The following RBBP9 variants were observed in gnomAD, a reference collection of about 807,000 sequenced individuals.
The protein encoded by RBBP9 is serine hydrolase RBBP9.
RBBP9 carries 20 observed loss-of-function variants against 24.2 expected under a neutral mutation model. The observed-to-expected ratio is 0.83, with a 90% CI of 0.58 to 1.20. RBBP9 has a LOEUF of 1.20. Among genes scored for constraint, RBBP9 ranks in the 50% most tolerant of loss-of-function variants. The pLI is 0.00. For synonymous variants in RBBP9, 74 were observed against 84.6 expected (o/e 0.87, Z 0.69); for missense variants, 234 against 233.6 (o/e 1.00, Z -0.01).
chr20:18,497,008 T>A, intron 1 of RBBP9, 61 bp downstream of exon 1: 1 of 1,420,204 alleles, frequency 7.0e-7, no homozygotes. Flanking sequence ...CAGCCCTCAG[T>A]CCTCTCCCGC....
chr20:18,490,129 C>A (rs948133184), intron 4 of RBBP9, 139 bp from the exon 5 acceptor site: 84 of 680,434 alleles, frequency 1.2e-4, no homozygotes, highest in Non-Finnish European at 1.7e-4. Flanking sequence ...CTTTTGTTTT[C>A]AAATCTGTAG....
intron 3 of RBBP9, among the ~76,000 whole-genome samples, chr20:18,492,986 T>C (rs1417914502): frequency 1.3e-5 from 2 of 152,222 alleles, no homozygotes; most frequent in Non-Finnish European, 2.9e-5. Flanking sequence ...AATACTCTTG[T>C]AACTTTAATC....
chr20:18,496,376 A>G (rs1016216325), intron 1 of RBBP9, among the ~76,000 whole-genome samples: 6 of 152,222 alleles, frequency 3.9e-5, no homozygotes, highest in Non-Finnish European at 8.8e-5. Flanking sequence ...GAGCCGACTT[A>G]CCGCCTGGTT....
chr20:18,497,164 C>T lies in RBBP9; in HGVS notation c.4G>A (p.Ala2Thr). 2.5e-6 allele frequency: 4 copies of T among 1,613,478 alleles called. No homozygotes were observed. The highest frequency in any genetic ancestry group is 3.4e-6 in the Non-Finnish European group (4 of 1,179,476). The change falls in exon 1 of 5, where the codon GCT becomes ACT. Residue 2 changes from alanine (A) to threonine (T), a missense_variant. By Grantham distance (58) the Ala-to-Thr change is moderately conservative. Transcript: ENST00000337227. M[A>T]SPSKAVIVPG... ...ACAATCACTGCCTTGCTAGGAGAAGCCATGAGTGCAGCGAGGCCAGAGTTC... is the reference window on the plus strand; with the variant it reads ...ACAATCACTGCCTTGCTAGGAGAAGTCATGAGTGCAGCGAGGCCAGAGTTC...
At chr20:18,496,753 A>T (rs2059888092) in intron 1 of RBBP9, among the ~76,000 whole-genome samples, 1 of 151,538 alleles carries the variant, frequency 6.6e-6, no homozygotes, top group South Asian at 2.1e-4. Context: ...GTGAACATGT[A>T]AAATTATCTG....
In RBBP9 at chr20:18,486,843, CAG is replaced by C. The variant is rs1187457203; in HGVS notation, c.*2919_*2920del. ...TCAATGATGACCACAAAGAATCAAA[CAG>C]AAATCAGAAATGACAGTCCATGGCT... On this transcript the variant is annotated 3_prime_UTR_variant, in exon 5 of 5. Transcript: ENST00000337227. 1.3e-5 allele frequency: 2 copies of C among 152,182 alleles called. No individual in the cohort carries two copies. The highest frequency in any genetic ancestry group is 2.4e-5 in the African/African-American group (1 of 41,528). 9.4% of individuals were successfully genotyped at this position (152,182 alleles called of 1,614,324 possible). A position where few individuals can be genotyped will look rare whatever the true frequency, so the allele number is the denominator to read the frequency against.
chr20:18,496,709 ATATT>A (rs2059887951), intron 1 of RBBP9, among the ~76,000 whole-genome samples: 1 of 152,166 alleles, frequency 6.6e-6, no homozygotes, highest in Admixed American at 6.5e-5. Context: ...TAAGTATAGC[ATATT>A]TAATTTTTTA....
chr20:18,491,344 C>T (rs2059864749), intron 3 of RBBP9, among the ~76,000 whole-genome samples: 1 of 152,212 alleles, frequency 6.6e-6, no homozygotes, highest in African/African-American at 2.4e-5. Flanking sequence ...TCCTTAAAGG[C>T]AGGCATGAGT....
intron 3 of RBBP9, among the ~76,000 whole-genome samples, chr20:18,492,203 A>C (rs111859945): frequency 6.6e-6 from 1 of 151,772 alleles, no homozygotes; most frequent in South Asian, 2.1e-4. Flanking sequence ...TCCCTTAACC[A>C]TGGTACCACT....
Position 18,492,494 on chromosome 20 carries a change from G to C in RBBP9, c.248+1464C>G, listed in dbSNP as rs117056342. Reference sequence around the variant, plus strand: ...GACTGAGGTAAACATTTCTGGCAAGGATACTGCATAGGTGATGCTGTGTCC... The same window carrying C: ...GACTGAGGTAAACATTTCTGGCAAGCATACTGCATAGGTGATGCTGTGTCC... On this transcript the variant is annotated intron_variant, in intron 3 of 4. Coordinates refer to ENST00000337227, the MANE Select transcript of RBBP9 (RefSeq NM_006606.3). 7.5e-3 allele frequency among the ~76,000 whole-genome samples: 1,146 copies of C among 152,290 alleles called. 7 individuals carry two copies. The highest frequency in any genetic ancestry group is 0.014 in the Middle Eastern group (4 of 294).
At position 18,495,824 on chromosome 20, in the gene RBBP9, A is replaced by C. The variant is rs1219504721; in HGVS notation, c.142+14T>G. Reference sequence around the variant, plus strand: ...AACAAGATGAGGCTATTTAAAAACAAGTTTAAAACTTACTTGGGTCGGGCA... The same window carrying C: ...AACAAGATGAGGCTATTTAAAAACACGTTTAAAACTTACTTGGGTCGGGCA... On this transcript the variant is annotated intron_variant, in intron 2 of 4. Transcript: ENST00000337227. The C allele has an allele frequency of 6.5e-7, 1 of 1,548,722 alleles. No homozygotes were observed.
Position 18,497,219 on chromosome 20 carries a change from A to T in RBBP9, c.-52T>A. On this transcript the variant is annotated 5_prime_UTR_variant, in exon 1 of 5. Transcript: ENST00000337227. ...GCGCGGGTCCAGCGGAGCTGAGCCC[A>T]GCCTGCTCCCGCAGGGAGCCTGCGC... is the stretch of plus-strand genomic sequence containing the variant. 1 of 1,461,178 alleles carries T rather than the reference A, an allele frequency of 6.8e-7. No homozygotes were observed. The highest frequency in any genetic ancestry group is 9.6e-7 in the Non-Finnish European group (1 of 1,046,764). The allele number at this position is 1,461,178 out of a possible 1,614,324, so 90.5% of individuals were successfully genotyped here.
Position 18,487,524 on chromosome 20 carries a change from C to T in RBBP9, c.*2240G>A, listed in dbSNP as rs1458481811. The T allele has an allele frequency of 1.3e-5, 2 of 152,188 alleles. No homozygotes were observed. Among genetic ancestry groups the T allele is most frequent in the Non-Finnish European group, 2.9e-5 (2 of 68,036 alleles). 9.4% of individuals were successfully genotyped at this position (152,188 alleles called of 1,614,324 possible). On this transcript the variant is annotated 3_prime_UTR_variant, in exon 5 of 5. Coordinates refer to ENST00000337227, the MANE Select transcript of RBBP9 (RefSeq NM_006606.3). ...TGGTCAAATTAGTGCTAAACAGCCT[C>T]TTTAACAACATTATTATTCAACTGA...
chr20:18,494,519 A>T (rs1410958445), intron 2 of RBBP9, among the ~76,000 whole-genome samples: 4 of 152,018 alleles, frequency 2.6e-5, no homozygotes, highest in Non-Finnish European at 4.4e-5. Flanking sequence ...CTCTGCTAAA[A>T]ATACAAAAAA....
chr20:18,492,410 G>A (rs2059869618), intron 3 of RBBP9, among the ~76,000 whole-genome samples: 1 of 152,108 alleles, frequency 6.6e-6, no homozygotes. Context: ...GTTTAAGAGT[G>A]TAGGCCAGTT....
chr20:18,488,221 C>T lies in RBBP9; in HGVS notation c.*1543G>A, dbSNP rs2059850957. ...AAGGAACACATAGCGATCATAATAG[C>T]CAAAAAATGTTGGGAAATGAAAAAG... On this transcript the variant is annotated 3_prime_UTR_variant, in exon 5 of 5. Transcript: ENST00000337227. 6.6e-6 allele frequency: 1 copy of T among 151,490 alleles called. No individual in the cohort carries two copies. The highest frequency in any genetic ancestry group is 1.5e-5 in the Non-Finnish European group (1 of 67,888). 9.4% of individuals were successfully genotyped at this position (151,490 alleles called of 1,614,324 possible). A position where few individuals can be genotyped will look rare whatever the true frequency, so the allele number is the denominator to read the frequency against.
At position 18,487,423 on chromosome 20, in the gene RBBP9, G is replaced by T. The variant is rs2059848371; in HGVS notation, c.*2341C>A. On this transcript the variant is annotated 3_prime_UTR_variant, in exon 5 of 5. Coordinates refer to ENST00000337227, the MANE Select transcript of RBBP9 (RefSeq NM_006606.3). ...CTTTTTTAGGAAAGGACTTCACAGA[G>T]AACAAGGCAAAGAATAAGTAATACA... 1 of 152,100 alleles carries T rather than the reference G, an allele frequency of 6.6e-6. No homozygotes were observed. The highest frequency in any genetic ancestry group is 1.5e-5 in the Non-Finnish European group (1 of 68,022). 9.4% of individuals were successfully genotyped at this position (152,100 alleles called of 1,614,324 possible).
In RBBP9 at chr20:18,488,685, G is replaced by A. The variant is rs935662570; in HGVS notation, c.*1079C>T. ...TAGAACAGAACACGAAGTATGGAAAGGTTCTTTTTAAAAACACTTGTCTTT... is the reference window on the plus strand; with the variant it reads ...TAGAACAGAACACGAAGTATGGAAAAGTTCTTTTTAAAAACACTTGTCTTT... On this transcript the variant is annotated 3_prime_UTR_variant, in exon 5 of 5. Coordinates refer to ENST00000337227, the MANE Select transcript of RBBP9 (RefSeq NM_006606.3). The A allele has an allele frequency of 6.6e-6, 1 of 152,234 alleles. No individual in the cohort carries two copies. Among genetic ancestry groups the A allele is most frequent in the Admixed American group, 6.5e-5 (1 of 15,280 alleles). The allele number at this position is 152,234 out of a possible 1,614,324, so 9.4% of individuals were successfully genotyped here.
chr20:18,491,461 T>C (rs539305683), intron 3 of RBBP9, among the ~76,000 whole-genome samples: 1 of 152,268 alleles, frequency 6.6e-6, no homozygotes, highest in South Asian at 2.1e-4. Flanking sequence ...CCATTAAAAG[T>C]AAGCAGGAGA....
Sources: gnomAD v4.1 joint callset for allele counts (sites outside exome capture counted in the v4.1 genomes callset) on GRCh38, gnomAD v4.1.1 for gene constraint, MANE v1.5 for transcripts, NCBI Gene and HGNC (gene_info 2026-07-23, HGNC 2026-07-21) for gene names.